The following DPYD variants were observed in gnomAD, a reference collection of about 807,000 sequenced individuals.
The protein encoded by DPYD is dihydropyrimidine dehydrogenase [NADP(+)].
DPYD carries 109 observed loss-of-function variants against 116.2 expected under a neutral mutation model. The ratio of observed to expected loss-of-function variants is 0.94; its 90% CI spans 0.80 to 1.10. The LOEUF (loss-of-function observed/expected upper bound fraction) is 1.10, where lower values mean the gene tolerates loss of function less well. DPYD is among the 50% of genes least tolerant of loss of function. The probability of loss-of-function intolerance (pLI) is 0.00; values close to 1 mark genes in which losing one functional copy is unlikely to be tolerated. For missense variants in DPYD, 1,302 were observed against 1,254.5 expected (o/e 1.04, Z -0.57); for synonymous variants, 440 against 432.0 (o/e 1.02, Z -0.23).
chr1:97,756,672 G>A (rs1665261894), intron 3 of DPYD, among the ~76,000 whole-genome samples: 1 of 151,836 alleles, frequency 6.6e-6, no homozygotes, highest in East Asian at 1.9e-4. Flanking sequence ...AAATTGCTTT[G>A]CAAGCTAGGA....
At chr1:97,804,822 T>G (rs1668007606) in intron 3 of DPYD, among the ~76,000 whole-genome samples, 1 of 151,902 alleles carries the variant, frequency 6.6e-6, no homozygotes, top group African/African-American at 2.4e-5. Context: ...TGAACTGAGT[T>G]GACAGGACAA....
intron 12 of DPYD, among the ~76,000 whole-genome samples, chr1:97,538,602 CA>C (rs1274108134): frequency 6.6e-6 from 1 of 152,200 alleles, no homozygotes; most frequent in African/African-American, 2.4e-5. Flanking sequence ...TGATAGTTCT[CA>C]TGAACCTAAT....
chr1:97,432,433 G>A (rs957078564), intron 14 of DPYD, among the ~76,000 whole-genome samples: 1 of 151,254 alleles, frequency 6.6e-6, no homozygotes, highest in African/African-American at 2.4e-5. Context: ...TTTCTCTTTG[G>A]ATCTGTTAAA....
At chr1:97,400,027 A>G (rs1287524040) in intron 14 of DPYD, among the ~76,000 whole-genome samples, 1 of 152,162 alleles carries the variant, frequency 6.6e-6, no homozygotes, top group East Asian at 1.9e-4. Flanking sequence ...GTCTTGTGCC[A>G]GTTTTCAAAG....
At position 97,820,468 on chromosome 1, in the gene DPYD, T is replaced by G. The variant is rs191625115; in HGVS notation, c.233+7646A>C. 1.2e-3 allele frequency among the ~76,000 whole-genome samples: 187 copies of G among 152,310 alleles called. No individual in the cohort carries two copies. In the Middle Eastern group the frequency reaches 0.024, roughly 19 times the overall value. Reference sequence around the variant, plus strand: ...AATGACATTAAAGCAATTTTAACCTTTTGACTCAAATAATATTTAGAAATG... The same window carrying G: ...AATGACATTAAAGCAATTTTAACCTGTTGACTCAAATAATATTTAGAAATG... On this transcript the variant is annotated intron_variant, in intron 3 of 22. Coordinates refer to ENST00000370192, the MANE Select transcript of DPYD (RefSeq NM_000110.4).
At chr1:97,290,618 A>G (rs1393087190) in intron 18 of DPYD, among the ~76,000 whole-genome samples, 1 of 152,218 alleles carries the variant, frequency 6.6e-6, no homozygotes, top group Admixed American at 6.5e-5. Context: ...GGTTCTGGGA[A>G]AACTGGCTAG....
intron 14 of DPYD, among the ~76,000 whole-genome samples, chr1:97,438,071 A>G (rs1449517056): frequency 1.3e-5 from 2 of 152,016 alleles, no homozygotes; most frequent in African/African-American, 4.8e-5. Context: ...AGGACTTACT[A>G]TTCTGCCACA....
At chr1:97,739,932 T>C (rs1664170339) in intron 4 of DPYD, among the ~76,000 whole-genome samples, 1 of 152,084 alleles carries the variant, frequency 6.6e-6, no homozygotes, top group East Asian at 1.9e-4. Flanking sequence ...ACTCTATGAG[T>C]CATTATGAAT....
At chr1:97,302,341 A>G (rs564254902) in intron 18 of DPYD, among the ~76,000 whole-genome samples, 3 of 152,106 alleles carry the variant, frequency 2.0e-5, no homozygotes, top group African/African-American at 4.8e-5. Context: ...TGTTCTCACT[A>G]TGAAATCATC....
chr1:97,169,028 T>C (rs1570591778), intron 20 of DPYD, among the ~76,000 whole-genome samples: 1 of 151,834 alleles, frequency 6.6e-6, no homozygotes, highest in Non-Finnish European at 1.5e-5. Context: ...TGTATTTTTT[T>C]GTAGAGATGG....
intron 19 of DPYD, among the ~76,000 whole-genome samples, chr1:97,199,238 T>C (rs1330102610): frequency 6.6e-6 from 1 of 152,160 alleles, no homozygotes; most frequent in Non-Finnish European, 1.5e-5. Flanking sequence ...TTCTTACTTG[T>C]AAAATGGAAA....
intron 13 of DPYD, among the ~76,000 whole-genome samples, chr1:97,508,150 G>A (rs943026078): frequency 6.6e-6 from 1 of 152,020 alleles, no homozygotes; most frequent in African/African-American, 2.4e-5. Flanking sequence ...ATGTCCAAGA[G>A]CATGGCAATT....
chr1:97,494,613 C>T (rs775598751), intron 13 of DPYD, among the ~76,000 whole-genome samples: 1 of 152,028 alleles, frequency 6.6e-6, no homozygotes, highest in Non-Finnish European at 1.5e-5. Context: ...CATAGTGTCA[C>T]ACTCCTGTAG....
At chr1:97,617,712 T>G (rs1656377447) in intron 8 of DPYD, among the ~76,000 whole-genome samples, 1 of 152,082 alleles carries the variant, frequency 6.6e-6, no homozygotes, top group Non-Finnish European at 1.5e-5. Context: ...AAACAAGACT[T>G]GTCAAATCAT....
At position 97,124,106 on chromosome 1, in the gene DPYD, T is replaced by G. The variant is rs77599438; in HGVS notation, c.2623-25474A>C. ...CAATTTTTGCGTGAAAGTCACTGAT[T>G]AACTGGTGAATTTATGGTTTGAAAT... On this transcript the variant is annotated intron_variant, in intron 20 of 22. Coordinates refer to ENST00000370192, the MANE Select transcript of DPYD (RefSeq NM_000110.4). Among the ~76,000 whole-genome samples, 421 of 152,272 alleles carry G rather than the reference T, an allele frequency of 2.8e-3. 2 individuals are homozygous for G. Among genetic ancestry groups the G allele is most frequent in the African/African-American group, 9.7e-3 (405 of 41,566 alleles).
Position 97,079,032 on chromosome 1 carries a change from T to C in DPYD, c.3022A>G (p.Thr1008Ala). The C allele has an allele frequency of 1.2e-6, 2 of 1,613,762 alleles. No individual in the cohort carries two copies. The highest frequency in any genetic ancestry group is 1.7e-6 in the Non-Finnish European group (2 of 1,179,736). ...IVDCIKMVSR[T>A]TPYEPKRGVP... ...CCTCTCTTTGGTTCATAAGGTGTTG[T>C]CCTGGAAACCATTTTGATGCAGTCG... Residue 1008 changes from threonine to alanine, a missense_variant, in exon 23 of 23, where the codon ACA becomes GCA. Physicochemically the swap from Thr to Ala is moderately conservative, Grantham distance 58. Transcript: ENST00000370192.
At chr1:97,836,733 T>C (rs780562796) in intron 2 of DPYD, among the ~76,000 whole-genome samples, 1 of 152,044 alleles carries the variant, frequency 6.6e-6, no homozygotes, top group Non-Finnish European at 1.5e-5. Flanking sequence ...ATTAACAATC[T>C]TTGGTGTATC....
chr1:97,428,888 G>C (rs1198186571), intron 14 of DPYD, among the ~76,000 whole-genome samples: 1 of 151,836 alleles, frequency 6.6e-6, no homozygotes, highest in East Asian at 1.9e-4. Flanking sequence ...TGTTAATTTA[G>C]CCTGAGAAAG....
intron 12 of DPYD, among the ~76,000 whole-genome samples, chr1:97,534,732 A>G (rs757661958): frequency 5.3e-5 from 8 of 152,088 alleles, no homozygotes; most frequent in Non-Finnish European, 1.0e-4. Context: ...CTCATGGCCA[A>G]CTACATCTTA....
Sources: allele counts gnomAD v4.1 joint callset (sites outside exome capture counted in the v4.1 genomes callset), GRCh38; gene constraint gnomAD v4.1.1; transcripts MANE v1.5; gene names NCBI Gene and HGNC (gene_info 2026-07-23, HGNC 2026-07-21).